DSC1: variants seen among roughly 807,000 people sequenced by gnomAD.
The protein encoded by DSC1 is desmocollin-1.
A neutral mutation model predicts 98.8 loss-of-function variants in DSC1; 79 were observed. The ratio of observed to expected loss-of-function variants is 0.80; its 90% CI spans 0.67 to 0.96. DSC1 has a LOEUF of 0.96. Ranked by LOEUF, DSC1 falls within the 50% of genes least tolerant of loss-of-function variation. DSC1 has a pLI of 0.00. For missense variants in DSC1, 1,115 were observed against 1,075.9 expected, an observed-to-expected ratio of 1.04 and a Z score of -0.51; for synonymous variants, 405 against 372.1, an observed-to-expected ratio of 1.09 and a Z score of -1.02.
At chr18:31,133,812 T>TA in intron 13 of DSC1, 79 bp downstream of exon 13, 10 of 1,412,106 alleles carry the variant, frequency 7.1e-6, no homozygotes, top group South Asian at 2.9e-5. Context: ...GCTATTAATA[T>TA]AAAAAACTTC....
chr18:31,133,136 A>C (rs568247145), intron 13 of DSC1, among the ~76,000 whole-genome samples: 1 of 152,314 alleles, frequency 6.6e-6, no homozygotes, highest in South Asian at 2.1e-4. Context: ...ATCCAATTTA[A>C]TCTGAAACTC....
At chr18:31,147,637 A>C (rs913860732) in intron 6 of DSC1, among the ~76,000 whole-genome samples, 1 of 152,162 alleles carries the variant, frequency 6.6e-6, no homozygotes, top group Non-Finnish European at 1.5e-5. Flanking sequence ...TAAAATTGCC[A>C]TCATCCTAAA....
At chr18:31,140,367 T>C in intron 9 of DSC1, 66 bp from the exon 10 acceptor site, 1 of 1,463,314 alleles carries the variant, frequency 6.8e-7, no homozygotes, top group Non-Finnish European at 9.2e-7. Context: ...TAATTTCAAA[T>C]TTTCCTACAA....
Position 31,130,332 on chromosome 18 carries a change from G to C in DSC1, c.*182C>G, listed in dbSNP as rs1567994476. 1 of 663,868 alleles carries C rather than the reference G, an allele frequency of 1.5e-6. No homozygotes were observed. The highest frequency in any genetic ancestry group is 3.0e-5 in the Admixed American group (1 of 33,454). 41.1% of individuals were successfully genotyped at this position (663,868 alleles called of 1,614,324 possible). A position where few individuals can be genotyped will look rare whatever the true frequency, so the allele number is the denominator to read the frequency against. ...TTAACAAACAAAACCTTGATTTCTA[G>C]AGAACATGGAAGTTATACCAGACAA... On this transcript the variant is annotated 3_prime_UTR_variant, in exon 16 of 16. Coordinates refer to ENST00000257198, the MANE Select transcript of DSC1 (RefSeq NM_024421.2).
At chr18:31,155,117 C>T (rs1654113109) in intron 4 of DSC1, among the ~76,000 whole-genome samples, 188 bp from the exon 5 acceptor site, 2 of 152,242 alleles carry the variant, frequency 1.3e-5, no homozygotes, top group South Asian at 4.2e-4. Context: ...TTGTGCAAAG[C>T]CACAAATTCT....
chr18:31,131,730 T>C lies in DSC1; in HGVS notation c.2351A>G (p.Lys784Arg), dbSNP rs1988495198. The part of the protein sequence containing the change: ...IKTQQSFEMV[K>R]GGYTLDSNKG... ...GTTGGAATCCAAAGTGTAGCCTCCTTTGACCATCTCAAAACTTTGCTGTGT... is the reference window on the plus strand; with the variant it reads ...GTTGGAATCCAAAGTGTAGCCTCCTCTGACCATCTCAAAACTTTGCTGTGT... Residue 784 changes from lysine (K) to arginine (R), a missense_variant, in exon 15 of 16, where the codon AAA becomes AGA. By Grantham distance (26) the Lys-to-Arg change is conservative. Coordinates refer to ENST00000257198, the MANE Select transcript of DSC1 (RefSeq NM_024421.2). The C allele has an allele frequency of 3.1e-6, 5 of 1,614,106 alleles. No individual in the cohort carries two copies. The highest frequency in any genetic ancestry group is 4.2e-6 in the Non-Finnish European group (5 of 1,179,986).
intron 2 of DSC1, among the ~76,000 whole-genome samples, chr18:31,159,047 G>GTTT (rs560889140): frequency 2.8e-5 from 2 of 71,098 alleles, no homozygotes; most frequent in South Asian, 4.3e-4. Flanking sequence ...CTACTATGTG[G>GTTT]TTTTTTTTTT....
intron 1 of DSC1, among the ~76,000 whole-genome samples, chr18:31,160,366 G>C (rs1158337259): frequency 1.3e-5 from 2 of 152,090 alleles, no homozygotes; most frequent in Admixed American, 1.3e-4. Context: ...AGTAGAGCTA[G>C]GTTTTCCAGA....
chr18:31,150,342 TCACCAC>T (rs1454669441), intron 5 of DSC1, among the ~76,000 whole-genome samples: 1 of 68,772 alleles, frequency 1.5e-5, no homozygotes, highest in Non-Finnish European at 2.9e-5. Flanking sequence ...ACCACTACCA[TCACCAC>T]CACCACCACC....
chr18:31,158,573 C>A (rs1989146103), intron 2 of DSC1, among the ~76,000 whole-genome samples: 1 of 152,022 alleles, frequency 6.6e-6, no homozygotes, highest in African/African-American at 2.4e-5. Context: ...CAGTGAAAAA[C>A]CTTGATGAAA....
At chr18:31,144,940 C>CTTTT (rs1180867352) in intron 7 of DSC1, among the ~76,000 whole-genome samples, 8 of 105,092 alleles carry the variant, frequency 7.6e-5, no homozygotes, top group Admixed American at 1.1e-4. Context: ...CTTTTTCTTT[C>CTTTT]TTTTTTTTTT....
At chr18:31,132,422 A>C in intron 14 of DSC1, 146 bp downstream of exon 14, 2 of 1,156,776 alleles carry the variant, frequency 1.7e-6, no homozygotes, top group Non-Finnish European at 2.4e-6. Context: ...GGTTTAAATG[A>C]TTTAAAACAC....
chr18:31,141,477 T>C (rs1467670946), intron 9 of DSC1, among the ~76,000 whole-genome samples: 1 of 152,094 alleles, frequency 6.6e-6, no homozygotes, highest in Non-Finnish European at 1.5e-5. Flanking sequence ...AAACCAGTAA[T>C]TGCAATTAAA....
intron 1 of DSC1, 148 bp downstream of exon 1, chr18:31,162,384 C>T: frequency 2.7e-6 from 2 of 735,894 alleles, no homozygotes; most frequent in Non-Finnish European, 4.6e-6. Context: ...TCAACTCTTC[C>T]CTGAATCTTC....
At chr18:31,131,955 C>T (rs1275699279) in intron 14 of DSC1, 113 bp from the exon 15 acceptor site, 4 of 1,239,330 alleles carry the variant, frequency 3.2e-6, no homozygotes, top group East Asian at 2.5e-5. Context: ...CTCTGTTCCT[C>T]ATACATAAAA....
chr18:31,130,957 A>G, intron 15 of DSC1: 1 of 904,174 alleles, frequency 1.1e-6, no homozygotes, highest in Admixed American at 2.7e-5. Context: ...ATATCACGCA[A>G]CACATTTATA....
intron 15 of DSC1, chr18:31,131,373 T>C: frequency 1.7e-6 from 1 of 602,168 alleles, no homozygotes; most frequent in Non-Finnish European, 2.8e-6. Flanking sequence ...CATCTACATA[T>C]GGCACTCCTA....
rs115257041 is a variant in DSC1 at position 31,159,480 on chromosome 18, G to A, written c.113C>T (p.Pro38Leu). The part of the protein sequence containing the change: ...DACQKVYLRV[P>L]SHLQAETLVG... The stretch of plus-strand genomic sequence containing the variant: ...AAGTGTTTCAGCCTGAAGATGAGAA[G>A]GAACTCGAAGATAAACTTTCTGACA... Residue 38 changes from proline (P) to leucine (L), a missense_variant, in exon 2 of 16, where the codon CCT becomes CTT. Coordinates refer to ENST00000257198, the MANE Select transcript of DSC1 (RefSeq NM_024421.2). 559 of 1,611,048 alleles carry A rather than the reference G, an allele frequency of 3.5e-4. 1 individual carries two copies. The African/African-American group carries it at 6.7e-3, about 19-fold the overall frequency.
chr18:31,133,657 G>A (rs1351161910), intron 13 of DSC1, among the ~76,000 whole-genome samples: 3 of 151,948 alleles, frequency 2.0e-5, no homozygotes, highest in Admixed American at 6.6e-5. Context: ...TTTACCCAAT[G>A]TCTCACAGAT....
Sources: gnomAD v4.1 joint callset for allele counts (sites outside exome capture counted in the v4.1 genomes callset) on GRCh38, gnomAD v4.1.1 for gene constraint, MANE v1.5 for transcripts, NCBI Gene and HGNC (gene_info 2026-07-23, HGNC 2026-07-21) for gene names.